SLC31A2: variants seen among roughly 807,000 people sequenced by gnomAD.
SLC31A2 encodes the protein solute carrier family 31 member 2, also known as protein SLC31A2.
A neutral mutation model predicts 14.4 loss-of-function variants in SLC31A2; 16 were observed. That is an observed-to-expected ratio of 1.11 (90% CI 0.75 to 1.69). The LOEUF (loss-of-function observed/expected upper bound fraction) is 1.69, where lower values mean the gene tolerates loss of function less well. Ranked by LOEUF, SLC31A2 falls within the 40% of genes most tolerant of loss-of-function variation. SLC31A2 has a pLI of 0.00. For synonymous variants in SLC31A2, 56 were observed against 68.7 expected (o/e 0.82, Z 0.91); for missense variants, 140 against 173.9 (o/e 0.81, Z 1.10).
At chr9:113,157,999 C>T (rs1829956347) in intron 2 of SLC31A2, 5 of 657,790 alleles carry the variant, frequency 7.6e-6, no homozygotes, top group East Asian at 6.3e-5. Flanking sequence ...TACTGATCCT[C>T]ACAAAGGCCG....
intron 1 of SLC31A2, among the ~76,000 whole-genome samples, chr9:113,155,433 GTGAGT>G (rs1297884157): frequency 6.6e-6 from 1 of 152,222 alleles, no homozygotes; most frequent in Non-Finnish European, 1.5e-5. Context: ...TTGAAATTGA[GTGAGT>G]TAAGACATAT....
intron 2 of SLC31A2, among the ~76,000 whole-genome samples, chr9:113,160,409 A>G (rs768836019): frequency 1.1e-4 from 16 of 152,148 alleles, no homozygotes; most frequent in Non-Finnish European, 4.4e-5. Flanking sequence ...GGTACACGTG[A>G]TATTTTGATA....
rs1829869438 is a variant in SLC31A2, at chr9:113,151,750, A to C, written c.6+670A>C. On this transcript the variant is annotated intron_variant, in intron 1 of 3. Coordinates refer to ENST00000259392, the MANE Select transcript of SLC31A2 (RefSeq NM_001860.3). The surrounding 1 kb of genome is among the most constrained non-coding windows in gnomAD (Gnocchi z 4.2). ...TCCCATGAAGAATGTCATAGAATTT[A>C]AGATACAGGAAGCTCAGCCTGGGCA... 6.6e-6 allele frequency: 1 copy of C among 152,136 alleles called. No homozygotes were observed. The highest frequency in any genetic ancestry group is 6.5e-5 in the Admixed American group (1 of 15,282). The allele number at this position is 152,136 out of a possible 1,614,324, so 9.4% of individuals were successfully genotyped here.
At position 113,163,529 on chromosome 9, in the gene SLC31A2, T is replaced by A. The variant is rs554111575; in HGVS notation, c.*612T>A. On this transcript the variant is annotated 3_prime_UTR_variant, in exon 4 of 4. Transcript: ENST00000259392. ...AATTTTGCACATTCATACAAAAAAATTTTTAATGAAATGATTTCATTGATT... is the reference window on the plus strand; with the variant it reads ...AATTTTGCACATTCATACAAAAAAAATTTTAATGAAATGATTTCATTGATT... 1.3e-5 allele frequency: 2 copies of A among 152,664 alleles called. No individual in the cohort carries two copies. Among genetic ancestry groups the A allele is most frequent in the African/African-American group, 2.4e-5 (1 of 41,454 alleles). The allele number at this position is 152,664 out of a possible 1,614,324, so 9.5% of individuals were successfully genotyped here. A position where few individuals can be genotyped will look rare whatever the true frequency, so the allele number is the denominator to read the frequency against.
intron 1 of SLC31A2, among the ~76,000 whole-genome samples, chr9:113,154,957 C>A (rs941563780): frequency 6.6e-6 from 1 of 152,218 alleles, no homozygotes; most frequent in Non-Finnish European, 1.5e-5. Flanking sequence ...ATCCTAATTG[C>A]ACAGAGGCTT....
intron 2 of SLC31A2, 85 bp downstream of exon 2, chr9:113,157,878 T>A (rs1056594279): frequency 1.9e-6 from 2 of 1,044,200 alleles, no homozygotes; most frequent in Admixed American, 2.0e-5. Context: ...TGATTCTCTG[T>A]GGGCATTTAA....
At chr9:113,153,277 C>T (rs1243176278) in intron 1 of SLC31A2, among the ~76,000 whole-genome samples, 2 of 152,042 alleles carry the variant, frequency 1.3e-5, no homozygotes, top group Non-Finnish European at 2.9e-5. Flanking sequence ...AACTCTTCAA[C>T]ATTTTTTAAA....
intron 1 of SLC31A2, among the ~76,000 whole-genome samples, chr9:113,153,038 G>A (rs1829888038): frequency 6.6e-6 from 1 of 151,850 alleles, no homozygotes; most frequent in Admixed American, 6.6e-5. Context: ...CATCTCCGGT[G>A]TAAATGGAGT....
chr9:113,159,803 G>A (rs922968428), intron 2 of SLC31A2, among the ~76,000 whole-genome samples: 4 of 152,216 alleles, frequency 2.6e-5, no homozygotes, highest in African/African-American at 9.6e-5. Context: ...CTGGCTATAT[G>A]TCAGGGTTCC....
chr9:113,161,535 C>T lies in SLC31A2; in HGVS notation c.100C>T (p.Leu34=), dbSNP rs902582559. ...CATGGCCCTTTCGGTGTTGGTGCTCCTGCTTCTGGCTGTACTGTATGAAGG... is the reference window on the plus strand; with the variant it reads ...CATGGCCCTTTCGGTGTTGGTGCTCTTGCTTCTGGCTGTACTGTATGAAGG... ...AGMALSVLVL[L]LLAVLYEGIK... The change falls in exon 3 of 4, where the codon CTG becomes TTG. Residue 34 remains leucine, a synonymous_variant. Transcript: ENST00000259392. 1 of 1,614,022 alleles carries T rather than the reference C, an allele frequency of 6.2e-7. No homozygotes were observed. The highest frequency in any genetic ancestry group is 8.5e-7 in the Non-Finnish European group (1 of 1,179,900).
intron 2 of SLC31A2, among the ~76,000 whole-genome samples, chr9:113,160,771 A>G (rs2118835582): frequency 6.6e-6 from 1 of 152,312 alleles, no homozygotes; most frequent in Admixed American, 6.5e-5. Context: ...GCCCCCATCC[A>G]GGAGCCTCAG....
chr9:113,157,065 G>C (rs1829943475), intron 1 of SLC31A2, among the ~76,000 whole-genome samples: 1 of 152,224 alleles, frequency 6.6e-6, no homozygotes, highest in African/African-American at 2.4e-5. Flanking sequence ...ACAAGGTGGA[G>C]CAAGCACCCT....
chr9:113,163,135 T>TTG lies in SLC31A2; in HGVS notation c.*222_*223dup. 1 of 447,018 alleles carries TTG rather than the reference T, an allele frequency of 2.2e-6. No homozygotes were observed. Among genetic ancestry groups the TTG allele is most frequent in the Non-Finnish European group, 4.0e-6 (1 of 251,634 alleles). 27.7% of individuals were successfully genotyped at this position (447,018 alleles called of 1,614,324 possible). On this transcript the variant is annotated 3_prime_UTR_variant, in exon 4 of 4. Transcript: ENST00000259392. ...GCCTACGTAGGGCCCAGGCATGGTCTTGTGTCTTAAGACAGCTGCTGTGAC... is the reference window on the plus strand; with the variant it reads ...GCCTACGTAGGGCCCAGGCATGGTCTTGTGTGTCTTAAGACAGCTGCTGTGAC...
At chr9:113,156,973 C>T (rs544167414) in intron 1 of SLC31A2, among the ~76,000 whole-genome samples, 9 of 152,172 alleles carry the variant, frequency 5.9e-5, no homozygotes, top group African/African-American at 9.7e-5. Flanking sequence ...GTAAAATGGA[C>T]CTAATTGTCC....
At chr9:113,154,978 A>C (rs577187967) in intron 1 of SLC31A2, among the ~76,000 whole-genome samples, 4 of 152,212 alleles carry the variant, frequency 2.6e-5, no homozygotes, top group East Asian at 1.9e-4. Context: ...TTTCTCATAC[A>C]TTCCTTCCTC....
chr9:113,155,959 CCTAA>C (rs746977189), intron 1 of SLC31A2: 1 of 498,064 alleles, frequency 2.0e-6, no homozygotes. Flanking sequence ...CTCCTTTGGT[CCTAA>C]CTGTTGAGAG....
intron 3 of SLC31A2, 73 bp from the exon 4 acceptor site, chr9:113,162,676 C>A: frequency 3.6e-6 from 5 of 1,399,698 alleles, no homozygotes; most frequent in Non-Finnish European, 4.9e-6. Context: ...GCTTTCTACT[C>A]CCTGATATCT....
At position 113,162,914 on chromosome 9, in the gene SLC31A2, T is replaced by C. The variant is rs771625838; in HGVS notation, c.429T>C (p.Ala143=). The C allele has an allele frequency of 4.4e-6, 7 of 1,606,990 alleles. No individual in the cohort carries two copies. The African/African-American group carries it at 8.0e-5, about 18-fold the overall frequency. Residue 143 remains alanine (A), a synonymous_variant, in exon 4 of 4, where the codon GCT becomes GCC. Coordinates refer to ENST00000259392, the MANE Select transcript of SLC31A2 (RefSeq NM_001860.3). ...TAGCTTACCCACTTCTCAGCACAGC[T>C]TAGCTGGTGAGGAACGTGCAGGCAC... ...YYLAYPLLST[A] is the part of the protein sequence containing the mutation.
chr9:113,155,457 T>C (rs1348534575), intron 1 of SLC31A2, among the ~76,000 whole-genome samples: 1 of 152,248 alleles, frequency 6.6e-6, no homozygotes, highest in African/African-American at 2.4e-5. Flanking sequence ...ATAACATTTT[T>C]AGAAGAGTGC....
Sources: gnomAD v4.1 joint callset for allele counts (sites outside exome capture counted in the v4.1 genomes callset) on GRCh38, gnomAD v4.1.1 for gene constraint, Gnocchi (gnomAD v3.1) non-coding constraint, MANE v1.5 for transcripts, NCBI Gene and HGNC (gene_info 2026-07-23, HGNC 2026-07-21) for gene names.